ZNF610: variants seen among roughly 807,000 people sequenced by gnomAD.
The protein encoded by ZNF610 is zink finger protein.
A neutral mutation model predicts 14.1 loss-of-function variants in ZNF610; 14 were observed. That is an observed-to-expected ratio of 0.99 (90% confidence interval 0.65 to 1.55). The LOEUF is 1.55. ZNF610 is among the 40% of genes most tolerant of loss of function. The probability of loss-of-function intolerance (pLI) is 0.00; values close to 1 mark genes in which losing one functional copy is unlikely to be tolerated. For missense variants in ZNF610, 530 were observed against 558.0 expected (o/e 0.95, Z 0.51); for synonymous variants, 185 against 187.6 (o/e 0.99, Z 0.11).
intron 5 of ZNF610, among the ~76,000 whole-genome samples, chr19:52,363,365 A>G (rs1457150199): frequency 6.6e-6 from 1 of 152,168 alleles, no homozygotes; most frequent in African/African-American, 2.4e-5. Context: ...TCCTGGCCTC[A>G]AGTGATCCTC....
intron 1 of ZNF610, among the ~76,000 whole-genome samples, chr19:52,340,470 T>C (rs868085576): frequency 1.2e-4 from 19 of 152,212 alleles, no homozygotes; most frequent in Middle Eastern, 3.4e-3. Context: ...TCTTTTTTCC[T>C]TACCTCAAAC....
At chr19:52,348,724 C>T (rs887376903) in intron 2 of ZNF610, among the ~76,000 whole-genome samples, 1 of 152,170 alleles carries the variant, frequency 6.6e-6, no homozygotes, top group Non-Finnish European at 1.5e-5. Context: ...CATCTTGGAA[C>T]ATATCCTCAT....
At chr19:52,347,132 C>T (rs1044399015) in intron 1 of ZNF610, 4 of 152,186 alleles carry the variant, frequency 2.6e-5, no homozygotes, top group African/African-American at 9.7e-5. Flanking sequence ...CAGAAGAAGT[C>T]ATTGTTATCC....
intron 1 of ZNF610, among the ~76,000 whole-genome samples, chr19:52,341,188 C>T (rs1984674708): frequency 6.6e-6 from 1 of 152,200 alleles, no homozygotes; most frequent in South Asian, 2.1e-4. Flanking sequence ...TGTTTATATT[C>T]TCTCTTCAAT....
At chr19:52,332,065 A>AC (rs1984227913), upstream of ZNF610, among the ~76,000 whole-genome samples, 1 of 152,192 alleles carries the variant, frequency 6.6e-6, no homozygotes, top group Non-Finnish European at 1.5e-5. This position sits in a 1 kb window ranked among gnomAD's most constrained non-coding sequence, Gnocchi z 4.1. Flanking sequence ...GTGAACAAGG[A>AC]CCCCGGGACG....
At chr19:52,342,705 T>G (rs1266673663) in intron 1 of ZNF610, among the ~76,000 whole-genome samples, 1 of 152,032 alleles carries the variant, frequency 6.6e-6, no homozygotes, top group Admixed American at 6.6e-5. Context: ...TTTTGTATTT[T>G]TAGTAGAGAT....
intron 1 of ZNF610, chr19:52,344,956 G>A (rs893829800): frequency 1.1e-4 from 17 of 152,100 alleles, no homozygotes; most frequent in African/African-American, 4.1e-4. Context: ...CTAATTTTTT[G>A]TATTTTTAGT....
chr19:52,336,348 C>T lies in ZNF610; in HGVS notation c.-416C>T, dbSNP rs746874731. The T allele has an allele frequency of 7.0e-6, 2 of 284,836 alleles. No homozygotes were observed. The highest frequency in any genetic ancestry group is 5.7e-5 in the Admixed American group (1 of 17,536). The allele number at this position is 284,836 out of a possible 1,614,324, so 17.6% of individuals were successfully genotyped here. On this transcript the variant is annotated 5_prime_UTR_variant, in exon 1 of 6. Coordinates refer to ENST00000403906, the MANE Select transcript of ZNF610 (RefSeq NM_001161425.2). Reference sequence around the variant, plus strand: ...TTCCCAGCTCCCCCGCGCTTCTGTACCCGGGATCTGAGAGTCAACACAGAC... The same window carrying T: ...TTCCCAGCTCCCCCGCGCTTCTGTATCCGGGATCTGAGAGTCAACACAGAC...
upstream of ZNF610, among the ~76,000 whole-genome samples, chr19:52,332,600 C>T (rs752084753): frequency 2.6e-5 from 4 of 152,158 alleles, no homozygotes; most frequent in South Asian, 2.1e-4. The surrounding 1 kb of genome is among the most constrained non-coding windows in gnomAD (Gnocchi z 4.1). Context: ...ATTGCAGAAA[C>T]ATTTGTACCA....
intron 5 of ZNF610, among the ~76,000 whole-genome samples, chr19:52,357,367 C>T (rs747650366): frequency 4.6e-5 from 7 of 152,010 alleles, no homozygotes; most frequent in Admixed American, 1.3e-4. Flanking sequence ...AAAAATTGGC[C>T]GGGCGCAGTG....
intron 1 of ZNF610, among the ~76,000 whole-genome samples, chr19:52,338,368 T>G (rs545582401): frequency 5.4e-4 from 82 of 152,298 alleles, no homozygotes; most frequent in African/African-American, 1.9e-3. Flanking sequence ...TGGAAGAGCC[T>G]TCCTAGCAAA....
chr19:52,339,671 T>A (rs1984577751), intron 1 of ZNF610, among the ~76,000 whole-genome samples: 1 of 152,168 alleles, frequency 6.6e-6, no homozygotes, highest in Admixed American at 6.5e-5. Flanking sequence ...ATGGAGTCTC[T>A]TATGTCTACT....
intron 5 of ZNF610, among the ~76,000 whole-genome samples, chr19:52,363,475 A>G (rs1189290009): frequency 6.6e-6 from 1 of 152,166 alleles, no homozygotes; most frequent in Non-Finnish European, 1.5e-5. Context: ...GAAGTCTACT[A>G]CTATATCGTG....
chr19:52,339,139 A>C (rs1984543037), intron 1 of ZNF610, among the ~76,000 whole-genome samples: 1 of 152,038 alleles, frequency 6.6e-6, no homozygotes, highest in Non-Finnish European at 1.5e-5. Flanking sequence ...TGCTGCCAGC[A>C]TGTCTCACCT....
At position 52,367,495 on chromosome 19, in the gene ZNF610, G is replaced by A. The variant is rs1472005413; in HGVS notation, c.*728G>A. On this transcript the variant is annotated 3_prime_UTR_variant, in exon 6 of 6. Coordinates refer to ENST00000403906, the MANE Select transcript of ZNF610 (RefSeq NM_001161425.2). ...AGCGTTGTTTAATCTTACCTCAGGA[G>A]GATACTTTATAGTAGAGAATAATAA... 1 of 152,196 alleles carries A rather than the reference G, an allele frequency of 6.6e-6. No individual in the cohort carries two copies. Among genetic ancestry groups the A allele is most frequent in the African/African-American group, 2.4e-5 (1 of 41,444 alleles). The allele number at this position is 152,196 out of a possible 1,614,324, so 9.4% of individuals were successfully genotyped here. A position where few individuals can be genotyped will look rare whatever the true frequency, so the allele number is the denominator to read the frequency against.
intron 1 of ZNF610, chr19:52,345,367 A>G (rs914530842): frequency 3.3e-5 from 5 of 152,250 alleles, no homozygotes; most frequent in African/African-American, 9.7e-5. Flanking sequence ...TCATGACGTC[A>G]TAGTGCAGTG....
At chr19:52,332,440 A>G (rs1253155213), upstream of ZNF610, among the ~76,000 whole-genome samples, 1 of 152,222 alleles carries the variant, frequency 6.6e-6, no homozygotes, top group Non-Finnish European at 1.5e-5. The surrounding 1 kb of genome is among the most constrained non-coding windows in gnomAD (Gnocchi z 4.1). Context: ...TTCAGTTTGT[A>G]CTGTATTTCT....
intron 1 of ZNF610, among the ~76,000 whole-genome samples, chr19:52,343,577 G>A (rs1048382187): frequency 1.3e-5 from 2 of 151,136 alleles, no homozygotes; most frequent in Admixed American, 6.6e-5. Context: ...AAAAAAAAAT[G>A]TATTTGCTCA....
At chr19:52,355,951 T>C (rs573185049) in intron 5 of ZNF610, among the ~76,000 whole-genome samples, 6 of 152,288 alleles carry the variant, frequency 3.9e-5, no homozygotes, top group African/African-American at 1.4e-4. Context: ...GTGATTGATA[T>C]TAACTCAATC....
Sources: gnomAD v4.1 joint callset for allele counts (sites outside exome capture counted in the v4.1 genomes callset) on GRCh38, gnomAD v4.1.1 for gene constraint, Gnocchi (gnomAD v3.1) non-coding constraint, MANE v1.5 for transcripts, NCBI Gene and HGNC (gene_info 2026-07-23, HGNC 2026-07-21) for gene names.